The following PCGF6 variants were observed in gnomAD, a reference collection of about 807,000 sequenced individuals.
The protein encoded by PCGF6 is polycomb group RING finger protein 6.
A neutral mutation model predicts 45.5 loss-of-function variants in PCGF6; 24 were observed. The observed-to-expected ratio is 0.53, with a 90% CI of 0.38 to 0.74. The LOEUF (loss-of-function observed/expected upper bound fraction) is 0.74. Ranked by LOEUF, PCGF6 falls within the 30% of genes least tolerant of loss-of-function variation. The pLI is 0.00. For missense variants in PCGF6, 356 were observed against 443.2 expected (o/e 0.80, Z 1.77); for synonymous variants, 152 against 162.1 (o/e 0.94, Z 0.47).
intron 7 of PCGF6, 53 bp from the exon 8 acceptor site, chr10:103,326,685 C>A: frequency 7.6e-7 from 1 of 1,312,580 alleles, no homozygotes; most frequent in South Asian, 1.3e-5. Flanking sequence ...CCTGTACATG[C>A]ATGACGTATG....
At chr10:103,339,344 C>T (rs756296447) in intron 6 of PCGF6, among the ~76,000 whole-genome samples, 7 of 152,004 alleles carry the variant, frequency 4.6e-5, no homozygotes, top group Non-Finnish European at 8.8e-5. Context: ...AACCTGAGAT[C>T]GCGCCACTGC....
At chr10:103,316,032 AG>A (rs2093175243) in intron 8 of PCGF6, among the ~76,000 whole-genome samples, 1 of 151,546 alleles carries the variant, frequency 6.6e-6, no homozygotes, top group African/African-American at 2.4e-5. Flanking sequence ...AGAGAGAGAG[AG>A]AGAGAGAGAG....
intron 8 of PCGF6, among the ~76,000 whole-genome samples, chr10:103,317,364 A>C (rs1466378226): frequency 6.6e-6 from 1 of 152,198 alleles, no homozygotes; most frequent in Non-Finnish European, 1.5e-5. Flanking sequence ...AGTGGGCTTT[A>C]TACCACGTGG....
rs995930953 is a variant in PCGF6, at chr10:103,333,991, TTAAGC to T, written c.783-44_783-40del. Reference sequence around the variant, plus strand: ...GCAAAATTAATCAATATTTAATACTTTAAGCTATATGTTTAATCATAAAACAACAT... The same window carrying T: ...GCAAAATTAATCAATATTTAATACTTTATATGTTTAATCATAAAACAACAT... On this transcript the variant is annotated intron_variant, in intron 6 of 9. Coordinates refer to ENST00000369847, the MANE Select transcript of PCGF6 (RefSeq NM_001011663.2). The T allele has an allele frequency of 2.2e-6, 3 of 1,344,088 alleles. No individual in the cohort carries two copies. In the African/African-American group the frequency reaches 4.6e-5, roughly 21 times the overall value. 83.3% of individuals were successfully genotyped at this position (1,344,088 alleles called of 1,614,324 possible).
intron 6 of PCGF6, among the ~76,000 whole-genome samples, chr10:103,335,471 CTT>C (rs1431930882): frequency 6.6e-6 from 1 of 151,812 alleles, no homozygotes; most frequent in Non-Finnish European, 1.5e-5. Context: ...AAGCGATTCT[CTT>C]TGCCTCAGCC....
At chr10:103,331,300 T>A (rs1378002070) in intron 7 of PCGF6, among the ~76,000 whole-genome samples, 3 of 152,202 alleles carry the variant, frequency 2.0e-5, no homozygotes, top group Non-Finnish European at 4.4e-5. Context: ...TTGCCCAGGC[T>A]GGAGTGAAGT....
chr10:103,308,398 G>A lies in PCGF6; in HGVS notation c.997-4437C>T, dbSNP rs1445113164. 4.0e-5 allele frequency among the ~76,000 whole-genome samples: 6 copies of A among 151,624 alleles called. No individual in the cohort carries two copies. The East Asian group carries it at 1.2e-3, about 29-fold the overall frequency. ...GGGCAGGGAGACAAAGGAGATTTTA[G>A]AGCTTTTTTTTTTTTTCTGAGACAG... On this transcript the variant is annotated intron_variant, in intron 9 of 9. Coordinates refer to ENST00000369847, the MANE Select transcript of PCGF6 (RefSeq NM_001011663.2).
At position 103,350,781 on chromosome 10, in the gene PCGF6, C is replaced by T. The variant is rs1363224850; in HGVS notation, c.286G>A (p.Glu96Lys). 6.4e-7 allele frequency: 1 copy of T among 1,562,580 alleles called. No individual in the cohort carries two copies. The highest frequency in any genetic ancestry group is 2.4e-5 in the East Asian group (1 of 42,112). The change falls in exon 1 of 10, where the codon GAG (glutamate) becomes AAG (lysine). Residue 96 changes from glutamate to lysine, a missense_variant. By Grantham distance (56) the Glu-to-Lys change is moderately conservative. Transcript: ENST00000369847. ...AAGTGACTCATGTCCTCCTCCTCCT[C>T]CTCTTCTTCCTCCTCCAGCTCCTCT... ...EEEELEEEEE[E>K]EEEDMSHFSL...
rs1203327449 is a variant in PCGF6 at position 103,337,830 on chromosome 10, C to T, written c.783-3878G>A. ...CTGTAATCCCAGCACTTTGGGAGGCCGAGGCGGGCGGATCACGAGGTCAGG... is the reference window on the plus strand; with the variant it reads ...CTGTAATCCCAGCACTTTGGGAGGCTGAGGCGGGCGGATCACGAGGTCAGG... On this transcript the variant is annotated intron_variant, in intron 6 of 9. Transcript: ENST00000369847. Among the ~76,000 whole-genome samples, 3 of 58,938 alleles carry T rather than the reference C, an allele frequency of 5.1e-5. 1 individual carries two copies. The highest frequency in any genetic ancestry group is 4.7e-4 in the East Asian group (1 of 2,134). 38.7% of individuals were successfully genotyped at this position (58,938 alleles called of 152,430 possible). A position where few individuals can be genotyped will look rare whatever the true frequency, so the allele number is the denominator to read the frequency against.
At chr10:103,347,558 A>G (rs1429750364) in intron 3 of PCGF6, 108 bp from the exon 4 acceptor site, 1 of 850,152 alleles carries the variant, frequency 1.2e-6, no homozygotes, top group Non-Finnish European at 1.9e-6. Context: ...TTTTTCTCAG[A>G]GGTGAGTTAC....
chr10:103,339,769 C>T lies in PCGF6; in HGVS notation c.782+5255G>A, dbSNP rs1007803363. On this transcript the variant is annotated intron_variant, in intron 6 of 9. Transcript: ENST00000369847. ...CCAAGATCGCGCCACTGCCCTCCAG[C>T]CTGGGGAACAAAAGCGAAATTCTGT... Among the ~76,000 whole-genome samples, 6 of 146,172 alleles carry T rather than the reference C, an allele frequency of 4.1e-5. No individual in the cohort carries two copies. The Admixed American group carries it at 4.2e-4, about 10-fold the overall frequency.
chr10:103,316,835 T>C (rs1467945150), intron 8 of PCGF6, among the ~76,000 whole-genome samples: 1 of 152,142 alleles, frequency 6.6e-6, no homozygotes, highest in East Asian at 1.9e-4. Flanking sequence ...TGAGATTATA[T>C]AGAATTATGA....
At chr10:103,344,854 G>A (rs1359392329) in intron 6 of PCGF6, among the ~76,000 whole-genome samples, 170 bp downstream of exon 6, 1 of 152,142 alleles carries the variant, frequency 6.6e-6, no homozygotes, top group Admixed American at 6.6e-5. Context: ...ACAGGCGTGA[G>A]CCACTGCACC....
intron 6 of PCGF6, among the ~76,000 whole-genome samples, chr10:103,343,719 G>A (rs1415516486): frequency 6.7e-6 from 1 of 150,370 alleles, no homozygotes; most frequent in African/African-American, 2.4e-5. Flanking sequence ...TGCAGTCCCA[G>A]CTACTTGGGA....
chr10:103,340,509 T>C (rs1370010393), intron 6 of PCGF6, among the ~76,000 whole-genome samples: 2 of 152,080 alleles, frequency 1.3e-5, no homozygotes, highest in Non-Finnish European at 2.9e-5. Context: ...ACCATCGTTG[T>C]ATTACAATAT....
chr10:103,347,995 T>A (rs1397179503), intron 3 of PCGF6, among the ~76,000 whole-genome samples: 1 of 10,228 alleles, frequency 9.8e-5, no homozygotes, highest in Admixed American at 2.5e-3. Flanking sequence ...TAATCTACTG[T>A]TAGTATTTTT....
intron 5 of PCGF6, among the ~76,000 whole-genome samples, chr10:103,346,983 C>T (rs1208719232): frequency 3.9e-5 from 6 of 152,148 alleles, no homozygotes. Context: ...AGGAAACAGA[C>T]ATTTACGTAT....
chr10:103,313,822 G>A (rs1168832809), intron 9 of PCGF6, among the ~76,000 whole-genome samples: 3 of 152,036 alleles, frequency 2.0e-5, no homozygotes, highest in Non-Finnish European at 4.4e-5. Flanking sequence ...TATAGCACTG[G>A]ACAGGCGGAA....
intron 6 of PCGF6, among the ~76,000 whole-genome samples, 162 bp from the exon 7 acceptor site, chr10:103,334,114 C>T (rs2093248866): frequency 6.6e-6 from 1 of 152,068 alleles, no homozygotes; most frequent in Non-Finnish European, 1.5e-5. Flanking sequence ...GTCATTTCTG[C>T]CACCTAGTGG....
Sources: gnomAD v4.1 joint callset for allele counts (sites outside exome capture counted in the v4.1 genomes callset) on GRCh38, gnomAD v4.1.1 for gene constraint, MANE v1.5 for transcripts, NCBI Gene and HGNC (gene_info 2026-07-23, HGNC 2026-07-21) for gene names.